Variants in PIGV observed in about 807,000 individuals in gnomAD.
PIGV encodes GPI alpha-1,6-mannosyltransferase 2.
A neutral mutation model predicts 39.2 loss-of-function variants in PIGV; 27 were observed. The observed-to-expected ratio is 0.69, with a 90% CI of 0.51 to 0.95. The LOEUF (loss-of-function observed/expected upper bound fraction) is 0.95, where lower values mean the gene tolerates loss of function less well. Ranked by LOEUF, PIGV falls within the 40% of genes least tolerant of loss-of-function variation. PIGV has a pLI of 0.00. For synonymous variants in PIGV, 232 were observed against 241.7 expected (o/e 0.96, Z 0.37); for missense variants, 523 against 586.4 (o/e 0.89, Z 1.12).
At position 26,797,935 on chromosome 1, in the gene PIGV, A is replaced by G. The variant is rs1193245812; in HGVS notation, c.*91A>G. ...TTGGAACTGCCTCTGCTGCCCTGGG[A>G]TCATTACTGTGTCCATTATAATCTT... On this transcript the variant is annotated 3_prime_UTR_variant, in exon 4 of 4. Transcript: ENST00000674202. 1.2e-5 allele frequency: 13 copies of G among 1,050,682 alleles called. No homozygotes were observed. Among genetic ancestry groups the G allele is most frequent in the African/African-American group, 1.6e-5 (1 of 64,084 alleles). 65.1% of individuals were successfully genotyped at this position (1,050,682 alleles called of 1,614,324 possible). A position where few individuals can be genotyped will look rare whatever the true frequency, so the allele number is the denominator to read the frequency against.
rs887914560 is a variant in PIGV at position 26,794,857 on chromosome 1, C to A, written c.823C>A (p.Pro275Thr). Reference sequence around the variant, plus strand: ...AGGCTCAGCCCGCCCCATTCCTGAGCCTTTGGTACAGTTAGCTGTAGACAA... The same window carrying A: ...AGGCTCAGCCCGCCCCATTCCTGAGACTTTGGTACAGTTAGCTGTAGACAA... ...LPGSARPIPE[P>T]LVQLAVDKGY... Residue 275 changes from proline to threonine, a missense_variant, in exon 3 of 4, where the codon CCT becomes ACT. Coordinates refer to ENST00000674202, the MANE Select transcript of PIGV (RefSeq NM_017837.4). The A allele has an allele frequency of 1.1e-5, 17 of 1,614,040 alleles. No individual in the cohort carries two copies. The African/African-American group carries it at 2.0e-4, about 19-fold the overall frequency.
intron 1 of PIGV, 22 bp from the exon 2 acceptor site, chr1:26,790,737 A>T: frequency 1.7e-6 from 2 of 1,155,342 alleles, no homozygotes; most frequent in Non-Finnish European, 2.6e-6. Flanking sequence ...GATGTGTGAC[A>T]TTTTCCTCCT....
rs1215981816 is a variant in PIGV, at chr1:26,799,628, C to T, written c.*1784C>T. Reference sequence around the variant, plus strand: ...AGGGAAGCTCCTGGCTGAGCCCCAGCACCCTCTGTTGGAGCTTCTGGTCAG... The same window carrying T: ...AGGGAAGCTCCTGGCTGAGCCCCAGTACCCTCTGTTGGAGCTTCTGGTCAG... On this transcript the variant is annotated 3_prime_UTR_variant, in exon 4 of 4. Coordinates refer to ENST00000674202, the MANE Select transcript of PIGV (RefSeq NM_017837.4). Among the ~76,000 whole-genome samples the T allele has an allele frequency of 6.6e-6, 1 of 152,222 alleles. No homozygotes were observed. Among genetic ancestry groups the T allele is most frequent in the Non-Finnish European group, 1.5e-5 (1 of 68,038 alleles).
upstream of PIGV, among the ~76,000 whole-genome samples, chr1:26,787,248 G>A (rs2081248768): frequency 6.6e-6 from 1 of 152,146 alleles, no homozygotes; most frequent in African/African-American, 2.4e-5. Flanking sequence ...CCCAATAGAC[G>A]GTTTTGTTGA....
intron 1 of PIGV, among the ~76,000 whole-genome samples, chr1:26,789,513 A>G (rs532584614): frequency 6.6e-6 from 1 of 152,322 alleles, no homozygotes; most frequent in Admixed American, 6.5e-5. Context: ...TGAACTGCTG[A>G]TGCTGTATCC....
intron 2 of PIGV, among the ~76,000 whole-genome samples, chr1:26,792,815 C>T (rs1291938237): frequency 2.6e-5 from 4 of 152,140 alleles, no homozygotes; most frequent in Non-Finnish European, 5.9e-5. Context: ...TATTGATTTC[C>T]TGGTGATTTC....
At position 26,798,775 on chromosome 1, in the gene PIGV, T is replaced by C. The variant is rs1018875281; in HGVS notation, c.*931T>C. 5.9e-5 allele frequency among the ~76,000 whole-genome samples: 9 copies of C among 152,060 alleles called. No homozygotes were observed. The highest frequency in any genetic ancestry group is 1.9e-4 in the African/African-American group (8 of 41,394). On this transcript the variant is annotated 3_prime_UTR_variant, in exon 4 of 4. Transcript: ENST00000674202. ...CAAAAAGTAAAATAATTTTAAAAAGTTAAAATAATATAAATCAGCTGGGGG... is the reference window on the plus strand; with the variant it reads ...CAAAAAGTAAAATAATTTTAAAAAGCTAAAATAATATAAATCAGCTGGGGG...
At position 26,788,005 on chromosome 1, in the gene PIGV, G is replaced by C. The variant is rs922368402; in HGVS notation, c.-321G>C. ...AGGAGCTGAGGTTCGGTCCCCGCCG[G>C]GGAGGTCGGGACGGGCAGGGGCTGA... On this transcript the variant is annotated 5_prime_UTR_variant, in exon 1 of 4. Transcript: ENST00000674202. 1 of 152,426 alleles carries C rather than the reference G, an allele frequency of 6.6e-6. No individual in the cohort carries two copies. Among genetic ancestry groups the C allele is most frequent in the African/African-American group, 2.4e-5 (1 of 41,590 alleles). 9.4% of individuals were successfully genotyped at this position (152,426 alleles called of 1,614,324 possible).
Position 26,797,826 on chromosome 1 carries a change from C to A in PIGV, c.1464C>A (p.Asn488Lys), listed in dbSNP as rs973687848. 8.7e-6 allele frequency: 14 copies of A among 1,614,018 alleles called. No individual in the cohort carries two copies. The highest frequency in any genetic ancestry group is 1.7e-5 in the Admixed American group (1 of 60,008). Reference protein sequence around the residue: ...YWLLGLLLHCNFLPWT With the variant: ...YWLLGLLLHCKFLPWT ...TCCTGGGACTACTCCTACATTGCAA[C>A]TTCCTGCCTTGGACATGACCTGGAC... Residue 488 changes from asparagine to lysine, a missense_variant, in exon 4 of 4, where the codon AAC becomes AAA. Transcript: ENST00000674202.
chr1:26,790,475 C>A (rs962717079), intron 1 of PIGV, among the ~76,000 whole-genome samples: 16 of 152,148 alleles, frequency 1.1e-4, no homozygotes, highest in African/African-American at 3.1e-4. Context: ...GAACCCAGAT[C>A]TTTAGTTCCT....
intron 2 of PIGV, among the ~76,000 whole-genome samples, chr1:26,792,914 G>A (rs1022351731): frequency 6.6e-5 from 10 of 152,166 alleles, no homozygotes; most frequent in Non-Finnish European, 1.3e-4. Flanking sequence ...GAGATTTGAG[G>A]AAAGAGAAAA....
upstream of PIGV, among the ~76,000 whole-genome samples, chr1:26,787,114 G>A (rs2081247588): frequency 6.6e-6 from 1 of 152,274 alleles, no homozygotes; most frequent in East Asian, 1.9e-4. Context: ...AACCACATAA[G>A]GCTTTGGAAT....
At position 26,790,834 on chromosome 1, in the gene PIGV, T is replaced by A. The variant is rs2081299274; in HGVS notation, c.19T>A (p.Ser7Thr). MWPQDP[S>T]RKEVLRFAVS... is the part of the protein sequence containing the mutation. Reference sequence around the variant, plus strand: ...TGAAAGGATGTGGCCCCAGGACCCATCCCGGAAGGAGGTGCTGAGGTTTGC... The same window carrying A: ...TGAAAGGATGTGGCCCCAGGACCCAACCCGGAAGGAGGTGCTGAGGTTTGC... The change falls in exon 2 of 4, where the codon TCC (serine) becomes ACC (threonine). Residue 7 changes from serine (S) to threonine (T), a missense_variant. Transcript: ENST00000674202. The A allele has an allele frequency of 6.8e-6, 11 of 1,614,102 alleles. No individual in the cohort carries two copies. The highest frequency in any genetic ancestry group is 9.3e-6 in the Non-Finnish European group (11 of 1,179,954).
At position 26,800,471 on chromosome 1, in the gene PIGV, A is replaced by G. The variant is rs1406735830; in HGVS notation, c.*2627A>G. On this transcript the variant is annotated 3_prime_UTR_variant, in exon 4 of 4. Transcript: ENST00000674202. The stretch of plus-strand genomic sequence containing the variant: ...GATGCTTTTTTTTGTTCTTTAATGA[A>G]GGTGGGAGGAGAGTGTTTGACATAC... Among the ~76,000 whole-genome samples the G allele has an allele frequency of 6.6e-6, 1 of 152,200 alleles. No homozygotes were observed. Among genetic ancestry groups the G allele is most frequent in the African/African-American group, 2.4e-5 (1 of 41,458 alleles).
chr1:26,795,607 A>G (rs1445966628), intron 3 of PIGV, among the ~76,000 whole-genome samples: 1 of 150,042 alleles, frequency 6.7e-6, no homozygotes, highest in African/African-American at 2.4e-5. Flanking sequence ...GCTACTCAGA[A>G]GGCTGAGGCA....
At chr1:26,792,349 C>T (rs1366134922) in intron 2 of PIGV, among the ~76,000 whole-genome samples, 1 of 146,862 alleles carries the variant, frequency 6.8e-6, no homozygotes, top group Admixed American at 6.9e-5. Context: ...GAGACGGAGT[C>T]TCGCTCTGTC....
chr1:26,795,709 CAAAAAAA>C (rs1005170504), intron 3 of PIGV, among the ~76,000 whole-genome samples: 41 of 27,832 alleles, frequency 1.5e-3, no homozygotes, highest in Non-Finnish European at 1.7e-3. Flanking sequence ...GACTCTATCT[CAAAAAAA>C]AAAAAAAAAA....
At chr1:26,787,201 A>G (rs1416799219), upstream of PIGV, among the ~76,000 whole-genome samples, 2 of 152,172 alleles carry the variant, frequency 1.3e-5, no homozygotes, top group Non-Finnish European at 2.9e-5. Context: ...AGTTGTTCTA[A>G]CAGTTTCCGT....
upstream of PIGV, chr1:26,787,449 CAG>C (rs1469780254): frequency 3.3e-5 from 5 of 152,376 alleles, 1 homozygote; most frequent in East Asian, 9.7e-4. Context: ...AGGGGAAAAT[CAG>C]GGGGATCCCC....
Sources: allele counts gnomAD v4.1 joint callset (sites outside exome capture counted in the v4.1 genomes callset), GRCh38; gene constraint gnomAD v4.1.1; transcripts MANE v1.5; gene names NCBI Gene and HGNC (gene_info 2026-07-23, HGNC 2026-07-21).